The following RIMS1 variants were observed in gnomAD, a reference collection of about 807,000 sequenced individuals.
The protein encoded by RIMS1 is regulating synaptic membrane exocytosis protein 1.
Under a neutral mutation model 214.1 loss-of-function variants are expected in RIMS1, and 83 were observed. That is an observed-to-expected ratio of 0.39 (90% CI 0.32 to 0.47). RIMS1 has a LOEUF of 0.47. Among genes scored for constraint, RIMS1 ranks in the 20% least tolerant of loss-of-function variants. RIMS1 has a pLI of 0.99. For synonymous variants in RIMS1, 793 were observed against 786.8 expected, an observed-to-expected ratio of 1.01 and a Z score of -0.13; for missense variants, 2,050 against 2,161.8, an observed-to-expected ratio of 0.95 and a Z score of 1.03.
intron 2 of RIMS1, among the ~76,000 whole-genome samples, chr6:71,981,249 A>AAAG (rs549624634): frequency 5.5e-4 from 84 of 152,122 alleles, no homozygotes; most frequent in Non-Finnish European, 1.0e-3. Flanking sequence ...GAAACTTTAT[A>AAAG]AAGTATTGTT....
At chr6:72,191,552 A>G (rs1463454049) in intron 6 of RIMS1, among the ~76,000 whole-genome samples, 1 of 152,256 alleles carries the variant, frequency 6.6e-6, no homozygotes, top group African/African-American at 2.4e-5. Flanking sequence ...TCTCAGAACA[A>G]GATTATGACA....
At chr6:72,386,731 C>CTTTTT (rs35080577) in intron 29 of RIMS1, among the ~76,000 whole-genome samples, 18 of 109,858 alleles carry the variant, frequency 1.6e-4, no homozygotes, top group South Asian at 3.2e-4. Flanking sequence ...CACTGTCTTT[C>CTTTTT]TTTTTTTTTT....
intron 6 of RIMS1, among the ~76,000 whole-genome samples, chr6:72,191,433 G>A (rs759988953): frequency 9.2e-5 from 14 of 152,204 alleles, no homozygotes; most frequent in Admixed American, 4.6e-4. Flanking sequence ...TGTTTCATCA[G>A]TAAGTCCAGT....
intron 1 of RIMS1, among the ~76,000 whole-genome samples, chr6:71,962,892 C>T (rs957855382): frequency 2.0e-5 from 3 of 152,038 alleles, no homozygotes; most frequent in Non-Finnish European, 4.4e-5. Context: ...TCTTGCATTT[C>T]ACATTTCATA....
Position 72,260,687 on chromosome 6 carries a change from C to T in RIMS1, c.3054-18C>T. The stretch of plus-strand genomic sequence containing the variant: ...CATAATTTATCTGTTTCACTCACCA[C>T]CCATCCTGTCTGTGCAGTGAGCTTC... On this transcript the variant is annotated intron_variant, in intron 18 of 33. Transcript: ENST00000521978. 1 of 1,611,762 alleles carries T rather than the reference C, an allele frequency of 6.2e-7. No individual in the cohort carries two copies. The highest frequency in any genetic ancestry group is 8.5e-7 in the Non-Finnish European group (1 of 1,178,656).
chr6:71,887,267 G>T, intron 1 of RIMS1, 80 bp downstream of exon 1: 1 of 1,523,598 alleles, frequency 6.6e-7, no homozygotes, highest in Middle Eastern at 1.7e-4. Flanking sequence ...AGTCCTCGCG[G>T]CTGAGTGTGG....
chr6:72,326,765 C>G (rs1344202553), intron 28 of RIMS1, among the ~76,000 whole-genome samples: 1 of 151,566 alleles, frequency 6.6e-6, no homozygotes, highest in Non-Finnish European at 1.5e-5. Context: ...ATTGGGGTGT[C>G]AGATGGAATT....
In RIMS1 at chr6:72,229,713, A is replaced by G. The variant is rs866815767; in HGVS notation, c.1679-4060A>G. ...AAACATTTCAAAATATATTTTCAGT[A>G]TATTAATCCAGAGTTAAGAGTTTAT... is the stretch of plus-strand genomic sequence containing the variant. On this transcript the variant is annotated intron_variant, in intron 6 of 33. Transcript: ENST00000521978. Among the ~76,000 whole-genome samples the G allele has an allele frequency of 3.7e-4, 56 of 152,012 alleles. 1 individual carries two copies. The highest frequency in any genetic ancestry group is 1.3e-3 in the African/African-American group (54 of 41,560).
At chr6:72,049,829 T>A (rs1824124331) in intron 2 of RIMS1, among the ~76,000 whole-genome samples, 1 of 150,248 alleles carries the variant, frequency 6.7e-6, no homozygotes, top group Non-Finnish European at 1.5e-5. Context: ...TTTCTAATAT[T>A]TTCAGTTTTT....
intron 29 of RIMS1, among the ~76,000 whole-genome samples, chr6:72,335,037 C>T (rs1322727515): frequency 6.6e-6 from 1 of 151,610 alleles, no homozygotes; most frequent in Non-Finnish European, 1.5e-5. Context: ...TATGGTGGTG[C>T]TTCCTGGTTT....
chr6:71,990,428 A>C (rs141059028), intron 2 of RIMS1, among the ~76,000 whole-genome samples: 1 of 152,330 alleles, frequency 6.6e-6, no homozygotes, highest in African/African-American at 2.4e-5. Context: ...TCATTAAACA[A>C]ATTGAATTAA....
intron 4 of RIMS1, chr6:72,126,621 T>G: frequency 4.8e-6 from 1 of 210,008 alleles, no homozygotes; most frequent in Middle Eastern, 5.0e-4. Flanking sequence ...GCAAAGAATG[T>G]GAATAGACAG....
chr6:72,152,729 T>TAC, intron 4 of RIMS1, among the ~76,000 whole-genome samples: 1 of 141,180 alleles, frequency 7.1e-6, no homozygotes, highest in East Asian at 2.0e-4. Flanking sequence ...AATATATATA[T>TAC]ATGGAATATA....
intron 10 of RIMS1, among the ~76,000 whole-genome samples, 156 bp from the exon 11 acceptor site, chr6:72,245,659 T>C (rs1420745800): frequency 6.6e-6 from 1 of 152,106 alleles, no homozygotes; most frequent in Non-Finnish European, 1.5e-5. Context: ...TGTTTGACAT[T>C]CATGCACATT....
chr6:71,939,346 G>C (rs557162173), intron 1 of RIMS1, among the ~76,000 whole-genome samples: 2 of 152,084 alleles, frequency 1.3e-5, no homozygotes, highest in African/African-American at 4.8e-5. Flanking sequence ...TCTACTCCTG[G>C]CAATACAGGC....
intron 2 of RIMS1, among the ~76,000 whole-genome samples, chr6:72,021,223 A>G (rs182794602): frequency 6.6e-6 from 1 of 152,306 alleles, no homozygotes; most frequent in East Asian, 1.9e-4. Context: ...TTAAACAATA[A>G]TCTTAATAAA....
chr6:72,152,647 G>A (rs1350969029), intron 4 of RIMS1, among the ~76,000 whole-genome samples: 1 of 150,714 alleles, frequency 6.6e-6, no homozygotes. Context: ...TGGCACAAGT[G>A]GAACCTTACA....
chr6:72,295,759 A>G (rs773748779), intron 26 of RIMS1, among the ~76,000 whole-genome samples: 4 of 151,746 alleles, frequency 2.6e-5, no homozygotes, highest in Non-Finnish European at 5.9e-5. Context: ...TTCTTTGATT[A>G]ATTTTAGTAC....
chr6:72,359,813 GTTA>G (rs942490077), intron 29 of RIMS1, among the ~76,000 whole-genome samples: 114 of 152,028 alleles, frequency 7.5e-4, no homozygotes, highest in Admixed American at 7.0e-3. Context: ...TTCAAAATAC[GTTA>G]TTATGTTTTA....
Sources: gnomAD v4.1 joint callset for allele counts (sites outside exome capture counted in the v4.1 genomes callset) on GRCh38, gnomAD v4.1.1 for gene constraint, MANE v1.5 for transcripts, NCBI Gene and HGNC (gene_info 2026-07-23, HGNC 2026-07-21) for gene names.